CXXC5: variants seen among roughly 807,000 people sequenced by gnomAD.
CXXC5 encodes CXXC finger protein 5.
In CXXC5, 2 loss-of-function variants were observed where a neutral mutation model predicts 17.6. That is an observed-to-expected ratio of 0.11 (90% confidence interval 0.05 to 0.36). The LOEUF is 0.36. Ranked by LOEUF, CXXC5 falls within the 10% of genes least tolerant of loss-of-function variation. CXXC5 has a pLI of 1.00. For missense variants in CXXC5, 343 were observed against 458.3 expected (o/e 0.75, Z 2.30); for synonymous variants, 171 against 193.0 (o/e 0.89, Z 0.94).
At chr5:139,680,329 C>G in intron 1 of CXXC5, 35 bp from the exon 2 acceptor site, 1 of 713,184 alleles carries the variant, frequency 1.4e-6, no homozygotes, top group Non-Finnish European at 2.2e-6. Context: ...GGGAGGTGTT[C>G]ACTGCTGCCC....
intron 1 of CXXC5, among the ~76,000 whole-genome samples, chr5:139,664,390 T>C (rs1179319337): frequency 6.6e-6 from 1 of 151,618 alleles, no homozygotes; most frequent in Non-Finnish European, 1.5e-5. Flanking sequence ...CAGGGAGGAG[T>C]TGAGCAAGTG....
At chr5:139,660,517 G>A (rs778856315) in intron 1 of CXXC5, among the ~76,000 whole-genome samples, 13 of 152,146 alleles carry the variant, frequency 8.5e-5, no homozygotes, top group Admixed American at 6.5e-5. Context: ...TCTCCTATGC[G>A]AAGACCCCAA....
chr5:139,658,259 T>C lies in CXXC5; in HGVS notation c.-161+9414T>C, dbSNP rs7709451. 6.2e-3 allele frequency among the ~76,000 whole-genome samples: 937 copies of C among 152,312 alleles called. 7 individuals carry two copies. Among genetic ancestry groups the C allele is most frequent in the African/African-American group, 0.021 (857 of 41,564 alleles). On this transcript the variant is annotated intron_variant, in intron 1 of 2. Coordinates refer to ENST00000302517, the MANE Select transcript of CXXC5 (RefSeq NM_016463.9). The surrounding 1 kb of genome is among the most constrained non-coding windows in gnomAD (Gnocchi z 4.1). ...TCTTAGTCATGGGAGTCTAGAATCA[T>C]AGATAGAATGCTTGGAATGGAGGCA...
chr5:139,666,157 G>A (rs1255485958), intron 1 of CXXC5, among the ~76,000 whole-genome samples: 2 of 152,302 alleles, frequency 1.3e-5, no homozygotes, highest in South Asian at 4.1e-4. Context: ...CCAGCAGGGT[G>A]GAGCAGAGGT....
intron 1 of CXXC5, among the ~76,000 whole-genome samples, chr5:139,660,869 C>T (rs1581581033): frequency 6.8e-6 from 1 of 147,598 alleles, no homozygotes; most frequent in Non-Finnish European, 1.5e-5. Flanking sequence ...CCCCCACCCA[C>T]CCACCCACTG....
chr5:139,671,198 G>A (rs928035469), intron 1 of CXXC5, among the ~76,000 whole-genome samples: 5 of 152,210 alleles, frequency 3.3e-5, no homozygotes, highest in Admixed American at 1.3e-4. Context: ...GGGATGGGGC[G>A]GGGGGTTCCA....
At chr5:139,653,830 T>G (rs1269467988) in intron 1 of CXXC5, among the ~76,000 whole-genome samples, 1 of 151,952 alleles carries the variant, frequency 6.6e-6, no homozygotes, top group Non-Finnish European at 1.5e-5. Flanking sequence ...CCTCTGATGC[T>G]GGCCTCCCTC....
intron 1 of CXXC5, among the ~76,000 whole-genome samples, chr5:139,664,636 C>T (rs1463404968): frequency 1.3e-5 from 2 of 152,186 alleles, no homozygotes; most frequent in Non-Finnish European, 1.5e-5. Context: ...CCTGCGTGCT[C>T]TCTGAGGCAG....
Position 139,668,722 on chromosome 5 carries a change from T to G in CXXC5, c.-160-11642T>G, listed in dbSNP as rs1351489121. Among the ~76,000 whole-genome samples, 13 of 151,960 alleles carry G rather than the reference T, an allele frequency of 8.6e-5. No individual in the cohort carries two copies. The East Asian group carries it at 9.6e-4, about 11-fold the overall frequency. Reference sequence around the variant, plus strand: ...AGGCTCTCTTCAGTCTCGGGAGAGATATGCTTATCCCAGGCGGAGCGGAGA... The same window carrying G: ...AGGCTCTCTTCAGTCTCGGGAGAGAGATGCTTATCCCAGGCGGAGCGGAGA... On this transcript the variant is annotated intron_variant, in intron 1 of 2. Transcript: ENST00000302517. This position sits in a 1 kb window ranked among gnomAD's most constrained non-coding sequence, Gnocchi z 4.1.
chr5:139,651,742 G>T (rs1317399468), intron 1 of CXXC5, among the ~76,000 whole-genome samples: 1 of 152,054 alleles, frequency 6.6e-6, no homozygotes, highest in East Asian at 1.9e-4. Flanking sequence ...TAGGGTGGAG[G>T]AATGAGGGAA....
rs917358938 is a variant in CXXC5, at chr5:139,668,418, G to A, written c.-160-11946G>A. The stretch of plus-strand genomic sequence containing the variant: ...CTCTGGCGGCCGCGTCTGCCGCCCC[G>A]GCGCCCGCCCGGGTCCCAGGCCGAC... On this transcript the variant is annotated intron_variant, in intron 1 of 2. Coordinates refer to ENST00000302517, the MANE Select transcript of CXXC5 (RefSeq NM_016463.9). This position sits in a 1 kb window ranked among gnomAD's most constrained non-coding sequence, Gnocchi z 4.1. Among the ~76,000 whole-genome samples, 24 of 151,940 alleles carry A rather than the reference G, an allele frequency of 1.6e-4. No homozygotes were observed. Among genetic ancestry groups the A allele is most frequent in the African/African-American group, 5.8e-4 (24 of 41,384 alleles).
intron 1 of CXXC5, among the ~76,000 whole-genome samples, chr5:139,669,969 T>C (rs1756360552): frequency 6.6e-6 from 1 of 152,180 alleles, no homozygotes; most frequent in Non-Finnish European, 1.5e-5. Flanking sequence ...TGCCTGTGGC[T>C]GGGGCCAGCC....
intron 1 of CXXC5, among the ~76,000 whole-genome samples, chr5:139,674,609 G>A (rs1356043720): frequency 6.6e-6 from 1 of 152,208 alleles, no homozygotes; most frequent in African/African-American, 2.4e-5. Context: ...CCTTGGTAGT[G>A]GTGATGGTTG....
At chr5:139,664,798 G>C (rs939413125) in intron 1 of CXXC5, among the ~76,000 whole-genome samples, 17 of 152,124 alleles carry the variant, frequency 1.1e-4, no homozygotes, top group African/African-American at 3.9e-4. Context: ...CTTCTTTTCA[G>C]CCTCACCTCC....
chr5:139,649,764 G>C (rs1034532579), intron 1 of CXXC5: 1 of 152,386 alleles, frequency 6.6e-6, no homozygotes, highest in African/African-American at 2.4e-5. Context: ...TGTGGGGGGC[G>C]TACGTCCCCG....
At chr5:139,671,575 G>T (rs1035102597) in intron 1 of CXXC5, among the ~76,000 whole-genome samples, 1 of 152,256 alleles carries the variant, frequency 6.6e-6, no homozygotes, top group South Asian at 2.1e-4. Context: ...CAGGATTCTG[G>T]GGGAGGAGGC....
intron 1 of CXXC5, among the ~76,000 whole-genome samples, chr5:139,669,398 G>C (rs928873868): frequency 1.3e-5 from 2 of 152,004 alleles, no homozygotes; most frequent in African/African-American, 4.8e-5. Context: ...GCCCATCACT[G>C]AGTGCTTGGG....
intron 1 of CXXC5, among the ~76,000 whole-genome samples, chr5:139,675,949 C>G (rs554049901): frequency 6.6e-6 from 1 of 152,094 alleles, no homozygotes; most frequent in South Asian, 2.1e-4. Flanking sequence ...TGGGGCTGGC[C>G]AGAGCCTTAG....
chr5:139,661,093 C>T lies in CXXC5; in HGVS notation c.-161+12248C>T, dbSNP rs1306730837. ...CCCACCTCCGCCCTCATGCTCTTCCCCATGCTGCAGCCTCCCCTTTTCAGA... is the reference window on the plus strand; with the variant it reads ...CCCACCTCCGCCCTCATGCTCTTCCTCATGCTGCAGCCTCCCCTTTTCAGA... On this transcript the variant is annotated intron_variant, in intron 1 of 2. Transcript: ENST00000302517. The surrounding 1 kb of genome is among the most constrained non-coding windows in gnomAD (Gnocchi z 4.7). 2.0e-5 allele frequency among the ~76,000 whole-genome samples: 3 copies of T among 152,192 alleles called. No homozygotes were observed. Among genetic ancestry groups the T allele is most frequent in the Admixed American group, 2.0e-4 (3 of 15,286 alleles).
Sources: gnomAD v4.1 joint callset for allele counts (sites outside exome capture counted in the v4.1 genomes callset) on GRCh38, gnomAD v4.1.1 for gene constraint, Gnocchi (gnomAD v3.1) non-coding constraint, MANE v1.5 for transcripts, NCBI Gene and HGNC (gene_info 2026-07-23, HGNC 2026-07-21) for gene names.